Variants in RAB5A observed in about 807,000 individuals in gnomAD.
RAB5A encodes the protein RAB5A, member RAS oncogene family, also known as ras-related protein Rab-5A.
In RAB5A, 8 loss-of-function variants were observed where a neutral mutation model predicts 25.7. The observed-to-expected ratio is 0.31, with a 90% confidence interval of 0.18 to 0.56. RAB5A has a LOEUF of 0.56. Ranked by LOEUF, RAB5A falls within the 20% of genes least tolerant of loss-of-function variation. The pLI is 0.91. For synonymous variants in RAB5A, 98 were observed against 89.8 expected (o/e 1.09, Z -0.52); for missense variants, 192 against 259.7 (o/e 0.74, Z 1.79).
Position 19,978,333 on chromosome 3 carries a change from C to G in RAB5A, c.462C>G (p.Asp154Glu). 1 of 1,609,974 alleles carries G rather than the reference C, an allele frequency of 6.2e-7. No homozygotes were observed. The highest frequency in any genetic ancestry group is 8.5e-7 in the Non-Finnish European group (1 of 1,176,768). ...AGGAAGCACAGTCCTATGCAGATGACAATAGTTTATTATTCATGGAGACAT... is the reference window on the plus strand; with the variant it reads ...AGGAAGCACAGTCCTATGCAGATGAGAATAGTTTATTATTCATGGAGACAT... ...DFQEAQSYADDNSLLFMETSA... is the reference protein window; with the variant it reads ...DFQEAQSYADENSLLFMETSA... The change falls in exon 5 of 6, where the codon GAC becomes GAG. Residue 154 changes from aspartate (D) to glutamate (E), a missense_variant. Transcript: ENST00000273047.
rs1553640307 is a variant in RAB5A at position 19,984,173 on chromosome 3, G to GGA, written c.*350_*351insGA. On this transcript the variant is annotated 3_prime_UTR_variant, in exon 6 of 6. Transcript: ENST00000273047. ...CCACACTGGTACAGTAGTCACCTGT[G>GGA]AAAAAAAAATTGGAACTTACTAATT... 74,274 of 394,548 alleles carry GGA rather than the reference G, an allele frequency of 0.19. 7,051 individuals are homozygous for GGA. Among genetic ancestry groups the GGA allele is most frequent in the African/African-American group, 0.34 (15,725 of 45,852 alleles). 24.4% of individuals were successfully genotyped at this position (394,548 alleles called of 1,614,324 possible).
intron 2 of RAB5A, among the ~76,000 whole-genome samples, chr3:19,974,245 C>T (rs1178022719): frequency 2.0e-5 from 3 of 151,670 alleles, no homozygotes; most frequent in Non-Finnish European, 4.4e-5. Context: ...ACCTCTGCCT[C>T]ATGGGTTCAA....
At chr3:19,975,214 CAA>C (rs765855763) in intron 2 of RAB5A, among the ~76,000 whole-genome samples, 145 of 114,598 alleles carry the variant, frequency 1.3e-3, no homozygotes, top group Admixed American at 1.3e-3. Flanking sequence ...ACTCTTGTAT[CAA>C]AAAAAAAAAA....
At chr3:19,966,656 C>T (rs1696666685) in intron 2 of RAB5A, among the ~76,000 whole-genome samples, 1 of 152,212 alleles carries the variant, frequency 6.6e-6, no homozygotes, top group African/African-American at 2.4e-5. Context: ...AGTTTCTCCA[C>T]ATGATCACCC....
chr3:19,975,892 G>GC, intron 3 of RAB5A, 140 bp downstream of exon 3: 12 of 1,313,760 alleles, frequency 9.1e-6, no homozygotes, highest in Non-Finnish European at 1.1e-5. Context: ...AGAAAATCTG[G>GC]TTTTAAAAAA....
In RAB5A at chr3:19,978,355, A is replaced by G; in HGVS notation, c.484A>G (p.Thr162Ala). Residue 162 changes from threonine to alanine, a missense_variant, in exon 5 of 6, where the codon ACA becomes GCA. Thr to Ala is a moderately conservative substitution (Grantham distance 58). Coordinates refer to ENST00000273047, the MANE Select transcript of RAB5A (RefSeq NM_004162.5). ...TGACAATAGTTTATTATTCATGGAG[A>G]CATCCGCTAAAACATCAATGAATGT... The part of the protein sequence containing the change: ...ADDNSLLFME[T>A]SAKTSMNVNE... 1 of 1,610,962 alleles carries G rather than the reference A, an allele frequency of 6.2e-7. No homozygotes were observed. Among genetic ancestry groups the G allele is most frequent in the Non-Finnish European group, 8.5e-7 (1 of 1,177,432 alleles).
At position 19,984,407 on chromosome 3, in the gene RAB5A, C is replaced by A; in HGVS notation, c.*584C>A. Reference sequence around the variant, plus strand: ...GTATTAATGGTATCTTAATTATACCCAGTCTGGTTTTTTTTTTTTAAATGG... The same window carrying A: ...GTATTAATGGTATCTTAATTATACCAAGTCTGGTTTTTTTTTTTTAAATGG... On this transcript the variant is annotated 3_prime_UTR_variant, in exon 6 of 6. Coordinates refer to ENST00000273047, the MANE Select transcript of RAB5A (RefSeq NM_004162.5). The A allele has an allele frequency of 4.6e-6, 1 of 217,918 alleles. No homozygotes were observed. Among genetic ancestry groups the A allele is most frequent in the Non-Finnish European group, 9.4e-6 (1 of 106,926 alleles). 13.5% of individuals were successfully genotyped at this position (217,918 alleles called of 1,614,324 possible). A position where few individuals can be genotyped will look rare whatever the true frequency, so the allele number is the denominator to read the frequency against.
chr3:19,975,914 T>A, intron 3 of RAB5A, 133 bp from the exon 4 acceptor site: 4 of 1,362,106 alleles, frequency 2.9e-6, no homozygotes, highest in Non-Finnish European at 4.0e-6. Context: ...AACGAAAATG[T>A]CTCATAATAC....
At chr3:19,976,209 C>A in intron 4 of RAB5A, 40 bp downstream of exon 4, 1 of 1,578,974 alleles carries the variant, frequency 6.3e-7, no homozygotes, top group Non-Finnish European at 8.6e-7. Flanking sequence ...GCACTTTTTT[C>A]CTGTATGTTT....
Position 19,947,390 on chromosome 3 carries a change from A to G in RAB5A, c.-225A>G. ...GCCCCGCACAGTCCAGTGTGAGGGG[A>G]GCGGCGCTAAGAGCAGGCGACGCCG... On this transcript the variant is annotated 5_prime_UTR_variant, in exon 1 of 6. Coordinates refer to ENST00000273047, the MANE Select transcript of RAB5A (RefSeq NM_004162.5). The G allele has an allele frequency of 6.3e-6, 1 of 158,030 alleles. No individual in the cohort carries two copies. The highest frequency in any genetic ancestry group is 1.4e-5 in the Non-Finnish European group (1 of 72,374). The allele number at this position is 158,030 out of a possible 1,614,324, so 9.8% of individuals were successfully genotyped here.
intron 2 of RAB5A, among the ~76,000 whole-genome samples, chr3:19,955,429 G>A (rs187105446): frequency 6.6e-6 from 1 of 152,244 alleles, no homozygotes; most frequent in Admixed American, 6.5e-5. Context: ...ATCCCGTGTT[G>A]AATCAAAACA....
chr3:19,950,921 G>C lies in RAB5A; in HGVS notation c.23G>C (p.Arg8Thr). 1 of 1,612,958 alleles carries C rather than the reference G, an allele frequency of 6.2e-7. No homozygotes were observed. Among genetic ancestry groups the C allele is most frequent in the Non-Finnish European group, 8.5e-7 (1 of 1,179,570 alleles). Residue 8 changes from arginine (R) to threonine (T), a missense_variant, in exon 2 of 6, where the codon AGA becomes ACA. Physicochemically the swap from Arg to Thr is moderately conservative, Grantham distance 71. This residue lies in a region of RAB5A where 32 missense variants were observed against 32.4 expected (regional missense o/e 0.99). Transcript: ENST00000273047. ...GACATGGCTAGTCGAGGCGCAACAA[G>C]ACCCAACGGGCCAAATACGGGAAAT... MASRGAT[R>T]PNGPNTGNKI...
Position 19,953,994 on chromosome 3 carries a change from C to T in RAB5A, c.163+2933C>T, listed in dbSNP as rs1035199702. Among the ~76,000 whole-genome samples the T allele has an allele frequency of 5.1e-4, 77 of 152,070 alleles. 1 individual carries two copies. The highest frequency in any genetic ancestry group is 1.8e-4 in the Non-Finnish European group (12 of 68,010). ...GAAGTTACCTGAAAAATGAAGCCAA[C>T]CAACTCTTTTGCATTTCAACTGTTG... On this transcript the variant is annotated intron_variant, in intron 2 of 5. Transcript: ENST00000273047.
chr3:19,956,946 CTT>C (rs748433119), intron 2 of RAB5A, among the ~76,000 whole-genome samples: 29 of 135,162 alleles, frequency 2.1e-4, no homozygotes, highest in Middle Eastern at 3.4e-3. Flanking sequence ...GTTTTTTTTC[CTT>C]TTTTTTTTTT....
intron 2 of RAB5A, among the ~76,000 whole-genome samples, chr3:19,968,191 CTTTTAG>C (rs986571454): frequency 6.6e-6 from 1 of 151,950 alleles, no homozygotes; most frequent in African/African-American, 2.4e-5. Flanking sequence ...GCATCCTTTC[CTTTTAG>C]TTTTAATTTA....
At chr3:19,952,407 A>G (rs116037035) in intron 2 of RAB5A, among the ~76,000 whole-genome samples, 3,982 of 152,322 alleles carry the variant, frequency 0.026, 161 homozygotes, top group African/African-American at 0.09. Flanking sequence ...CTGTAAAATT[A>G]AAGTCAAACT....
intron 5 of RAB5A, 188 bp downstream of exon 5, chr3:19,978,591 G>A (rs1290032095): frequency 2.0e-6 from 1 of 503,788 alleles, no homozygotes; most frequent in Non-Finnish European, 3.6e-6. Context: ...ATATTTTGTT[G>A]GTAATATTGT....
intron 5 of RAB5A, chr3:19,978,893 A>T (rs1347123835): frequency 6.6e-6 from 1 of 152,312 alleles, no homozygotes; most frequent in Non-Finnish European, 1.5e-5. Flanking sequence ...GCGTAAGGAG[A>T]AAAAAGGAAA....
rs544356194 is a variant in RAB5A at position 19,956,098 on chromosome 3, C to G, written c.163+5037C>G. On this transcript the variant is annotated intron_variant, in intron 2 of 5. Coordinates refer to ENST00000273047, the MANE Select transcript of RAB5A (RefSeq NM_004162.5). The stretch of plus-strand genomic sequence containing the variant: ...CTACTTAGGGAGTACCCATAGTTTT[C>G]AGTCATCTGTACCACTGCTGCTCTC... Among the ~76,000 whole-genome samples the G allele has an allele frequency of 3.3e-5, 5 of 152,312 alleles. No individual in the cohort carries two copies. The East Asian group carries it at 9.6e-4, about 29-fold the overall frequency.
Sources: gnomAD v4.1 joint callset for allele counts (sites outside exome capture counted in the v4.1 genomes callset) on GRCh38, gnomAD v4.1.1 for gene constraint, gnomAD v4.1.1 regional missense constraint, MANE v1.5 for transcripts, NCBI Gene and HGNC (gene_info 2026-07-23, HGNC 2026-07-21) for gene names.